ASB3: variants seen among roughly 807,000 people sequenced by gnomAD.
ASB3 encodes the protein ankyrin repeat and SOCS box protein 3.
In ASB3, 41 loss-of-function variants were observed where a neutral mutation model predicts 54.5. The observed-to-expected ratio is 0.75, with a 90% CI of 0.59 to 0.98. The LOEUF is 0.98. Among genes scored for constraint, ASB3 ranks in the 50% least tolerant of loss-of-function variants. ASB3 has a pLI of 0.00. For synonymous variants in ASB3, 266 were observed against 221.2 expected (o/e 1.20, Z -1.80); for missense variants, 733 against 620.0 (o/e 1.18, Z -1.94).
In ASB3 at chr2:53,750,847, A is replaced by T. The variant is rs1318617589; in HGVS notation, c.291T>A (p.Ile97=). 3 of 1,603,550 alleles carry T rather than the reference A, an allele frequency of 1.9e-6. No individual in the cohort carries two copies. Among genetic ancestry groups the T allele is most frequent in the Admixed American group, 3.4e-5 (2 of 58,752 alleles). Residue 97 remains isoleucine, a synonymous_variant, in exon 3 of 10, where the codon ATT becomes ATA. Coordinates refer to ENST00000263634, the MANE Select transcript of ASB3 (RefSeq NM_016115.5). ...ASQGHWKIVQ[I]LLEAGADPNA... ...TAGGATCTGCCCCAGCTTCTAAAAG[A>T]ATCTGTACGATTTTCCAATGTCCTT... is the stretch of plus-strand genomic sequence containing the variant.
intron 1 of ASB3, among the ~76,000 whole-genome samples, chr2:53,781,934 T>C (rs997183364): frequency 3.9e-5 from 6 of 152,234 alleles, no homozygotes; most frequent in African/African-American, 1.4e-4. Flanking sequence ...TTCAACAGCA[T>C]TGATTTATTC....
chr2:53,714,357 AAAT>A, intron 7 of ASB3, 24 bp downstream of exon 7: 1 of 1,606,860 alleles, frequency 6.2e-7, no homozygotes, highest in Non-Finnish European at 8.5e-7. Context: ...AAAGAATAAA[AAAT>A]AAAAACATAG....
chr2:53,715,663 T>G (rs1670345556), intron 6 of ASB3, among the ~76,000 whole-genome samples: 1 of 152,178 alleles, frequency 6.6e-6, no homozygotes, highest in African/African-American at 2.4e-5. Flanking sequence ...GTCTCTTAAC[T>G]TTAATAAATG....
chr2:53,750,708 G>T, intron 3 of ASB3, 75 bp downstream of exon 3: 3 of 1,389,406 alleles, frequency 2.2e-6, no homozygotes, highest in Non-Finnish European at 2.8e-6. Flanking sequence ...ACAGCTGAAG[G>T]AAAAATTAAG....
Position 53,764,589 on chromosome 2 carries a change from C to T in ASB3, c.196+788G>A, listed in dbSNP as rs576881004. Reference sequence around the variant, plus strand: ...CCCTCTATACTAAATGTCAGAATCTCGCCTTTAGTCAATGACCTTCACTCA... The same window carrying T: ...CCCTCTATACTAAATGTCAGAATCTTGCCTTTAGTCAATGACCTTCACTCA... On this transcript the variant is annotated intron_variant, in intron 2 of 9. Transcript: ENST00000263634. 3.9e-5 allele frequency among the ~76,000 whole-genome samples: 6 copies of T among 152,316 alleles called. 1 individual carries two copies. The highest frequency in any genetic ancestry group is 1.2e-4 in the African/African-American group (5 of 41,560).
intron 3 of ASB3, among the ~76,000 whole-genome samples, chr2:53,749,835 A>C (rs1327630624): frequency 6.6e-6 from 1 of 152,084 alleles, no homozygotes; most frequent in East Asian, 1.9e-4. Flanking sequence ...GGAGTGATGG[A>C]ATGGTTCTAT....
chr2:53,777,707 A>G (rs1674419261), intron 1 of ASB3, among the ~76,000 whole-genome samples: 1 of 152,260 alleles, frequency 6.6e-6, no homozygotes, highest in Non-Finnish European at 1.5e-5. Flanking sequence ...GGAGAAAAAT[A>G]AACAGGTTTA....
At chr2:53,750,986 T>C (rs1377203775) in intron 2 of ASB3, 45 bp from the exon 3 acceptor site, 2 of 1,415,704 alleles carry the variant, frequency 1.4e-6, no homozygotes, top group Non-Finnish European at 1.9e-6. Context: ...ATTACTTCTA[T>C]TTCCTGGTTT....
intron 7 of ASB3, among the ~76,000 whole-genome samples, chr2:53,708,562 T>A (rs1044941397): frequency 2.6e-5 from 4 of 151,040 alleles, no homozygotes; most frequent in Non-Finnish European, 5.9e-5. Context: ...AGTGGAAGAG[T>A]TTGGAGGGCT....
chr2:53,778,217 C>T (rs1238380214), intron 1 of ASB3, among the ~76,000 whole-genome samples: 2 of 150,540 alleles, frequency 1.3e-5, no homozygotes, highest in East Asian at 3.9e-4. Context: ...CTAAGATGGT[C>T]CTAGGACTCT....
At chr2:53,732,238 G>A (rs1450933457) in intron 3 of ASB3, among the ~76,000 whole-genome samples, 1 of 151,988 alleles carries the variant, frequency 6.6e-6, no homozygotes, top group Non-Finnish European at 1.5e-5. Context: ...TGGGATTATA[G>A]GCATGAGCCA....
chr2:53,705,973 T>C (rs778183818), intron 7 of ASB3, among the ~76,000 whole-genome samples: 4 of 152,178 alleles, frequency 2.6e-5, no homozygotes, highest in Admixed American at 6.6e-5. Flanking sequence ...TGTACATATA[T>C]TGACATTGAG....
At chr2:53,710,773 A>G (rs1365857529) in intron 7 of ASB3, among the ~76,000 whole-genome samples, 4 of 152,204 alleles carry the variant, frequency 2.6e-5, no homozygotes, top group Non-Finnish European at 5.9e-5. Context: ...GCTTGGACCC[A>G]TGAATGTGCC....
At chr2:53,755,912 G>A (rs1267585638) in intron 2 of ASB3, among the ~76,000 whole-genome samples, 2 of 152,286 alleles carry the variant, frequency 1.3e-5, no homozygotes, top group East Asian at 1.9e-4. Flanking sequence ...AGCACTTTGG[G>A]AGGCCAAGGA....
intron 5 of ASB3, among the ~76,000 whole-genome samples, chr2:53,727,378 G>A (rs1671060087): frequency 6.6e-6 from 1 of 152,164 alleles, no homozygotes; most frequent in African/African-American, 2.4e-5. Flanking sequence ...TTATTGGGCA[G>A]GCACAGCGAC....
At chr2:53,758,614 C>T (rs1164728979) in intron 2 of ASB3, among the ~76,000 whole-genome samples, 3 of 152,104 alleles carry the variant, frequency 2.0e-5, no homozygotes, top group Admixed American at 6.5e-5. Flanking sequence ...TCCAGCAGCC[C>T]GGACCCCTTT....
chr2:53,786,271 A>G (rs1369744387), intron 1 of ASB3: 7 of 152,206 alleles, frequency 4.6e-5, no homozygotes, highest in Admixed American at 1.3e-4. Context: ...TAAACCTCAC[A>G]TAAGGAACCT....
At chr2:53,785,683 A>C (rs1573046784) in intron 1 of ASB3, among the ~76,000 whole-genome samples, 2 of 152,082 alleles carry the variant, frequency 1.3e-5, no homozygotes, top group African/African-American at 4.8e-5. Context: ...CCTCTACTAA[A>C]AATACAAAAA....
chr2:53,707,566 G>A (rs1669850590), intron 7 of ASB3, among the ~76,000 whole-genome samples: 2 of 151,384 alleles, frequency 1.3e-5, no homozygotes, highest in African/African-American at 4.9e-5. Flanking sequence ...AGAATGGCAT[G>A]AACCCAGGAG....
Sources: allele counts gnomAD v4.1 joint callset (sites outside exome capture counted in the v4.1 genomes callset), GRCh38; gene constraint gnomAD v4.1.1; transcripts MANE v1.5; gene names NCBI Gene and HGNC (gene_info 2026-07-23, HGNC 2026-07-21).